The following SGCD variants were observed in gnomAD, a reference collection of about 807,000 sequenced individuals.
The protein encoded by SGCD is sarcoglycan delta.
In SGCD, 18 loss-of-function variants were observed where a neutral mutation model predicts 36.6. That is an observed-to-expected ratio of 0.49 (90% confidence interval 0.34 to 0.73). The LOEUF (loss-of-function observed/expected upper bound fraction) is 0.73. Ranked by LOEUF, SGCD falls within the 30% of genes least tolerant of loss-of-function variation. SGCD has a pLI of 0.01. For synonymous variants in SGCD, 133 were observed against 130.6 expected, an observed-to-expected ratio of 1.02 and a Z score of -0.12; for missense variants, 387 against 346.7, an observed-to-expected ratio of 1.12 and a Z score of -0.92.
chr5:156,529,423 C>CAAAAAAAAAAAAAAAAAAAAAA, intron 4 of SGCD, among the ~76,000 whole-genome samples: 1 of 59,146 alleles, frequency 1.7e-5, no homozygotes, highest in Non-Finnish European at 3.3e-5. Context: ...GACTCTGTCT[C>CAAAAAAAAAAAAAAAAAAAAAA]AAAAAAAAAA....
Position 156,251,828 on chromosome 5 carries a change from A to G in SGCD, c.-43-77706A>G, listed in dbSNP as rs547579789. ...TGTGCCCGGCCTATACTACGTTTTA[A>G]AACTCGAAACTGTCTTGGAGATACA... On this transcript the variant is annotated intron_variant, in intron 3 of 9. Coordinates refer to the SGCD transcript ENST00000517913. 1.2e-4 allele frequency among the ~76,000 whole-genome samples: 18 copies of G among 151,620 alleles called. 1 individual carries two copies. The South Asian group carries it at 2.9e-3, about 25-fold the overall frequency.
chr5:155,849,197 G>A, the SGCD span, among the ~76,000 whole-genome samples: 9 of 152,140 alleles, frequency 5.9e-5, no homozygotes, highest in Non-Finnish European at 1.2e-4. Flanking sequence ...CAGTGTGAAA[G>A]CTCCTTCTGG....
chr5:156,355,320 C>T (rs1440492896), intron 3 of SGCD, among the ~76,000 whole-genome samples: 1 of 152,012 alleles, frequency 6.6e-6, no homozygotes, highest in Non-Finnish European at 1.5e-5. Flanking sequence ...CAAACCAAAA[C>T]CATTTTAATA....
chr5:156,085,283 T>C (rs987047033), intron 1 of SGCD, among the ~76,000 whole-genome samples: 1 of 152,160 alleles, frequency 6.6e-6, no homozygotes, highest in Non-Finnish European at 1.5e-5. Context: ...TAACCCCCAG[T>C]GCTGGAGGTG....
At chr5:156,431,327 G>A (rs896913677) in intron 3 of SGCD, among the ~76,000 whole-genome samples, 2 of 152,048 alleles carry the variant, frequency 1.3e-5, no homozygotes, top group African/African-American at 4.8e-5. Context: ...TGATTATCTC[G>A]ATTATCTCCT....
intron 4 of SGCD, among the ~76,000 whole-genome samples, chr5:156,570,868 GGGTGTCTTTTGCCATATCTTT>G (rs1274870074): frequency 2.0e-5 from 3 of 151,978 alleles, no homozygotes; most frequent in Non-Finnish European, 4.4e-5. Context: ...ACTTTGCCTA[GGGTGTCTTTTGCCATATCTTT>G]ATTTCTAGCC....
chr5:156,345,933 C>G (rs1386416020), intron 3 of SGCD, among the ~76,000 whole-genome samples: 1 of 151,870 alleles, frequency 6.6e-6, no homozygotes, highest in African/African-American at 2.4e-5. Context: ...CTCTGTCTTC[C>G]CTGTCTGGTA....
At chr5:156,019,990 A>G (rs1759064817) in intron 1 of SGCD, among the ~76,000 whole-genome samples, 1 of 152,184 alleles carries the variant, frequency 6.6e-6, no homozygotes, top group African/African-American at 2.4e-5. Context: ...CACCCTGGGC[A>G]TGTCCACACG....
At chr5:156,338,166 T>TTTG (rs1554094338) in intron 2 of SGCD, among the ~76,000 whole-genome samples, 1 of 151,648 alleles carries the variant, frequency 6.6e-6, no homozygotes, top group African/African-American at 2.4e-5. Flanking sequence ...TCACTGGGTT[T>TTTG]TTTGTTTGTT....
intron 4 of SGCD, among the ~76,000 whole-genome samples, chr5:156,545,917 CA>C (rs1426904009): frequency 1.3e-5 from 2 of 152,164 alleles, no homozygotes; most frequent in Non-Finnish European, 2.9e-5. Flanking sequence ...GCTTTAGCTC[CA>C]AGTTTTATGA....
At chr5:156,188,756 C>A (rs1763823460) in intron 3 of SGCD, among the ~76,000 whole-genome samples, 1 of 151,686 alleles carries the variant, frequency 6.6e-6, no homozygotes, top group Admixed American at 6.6e-5. Flanking sequence ...CCAGACCCAC[C>A]AAAGAAAACA....
At chr5:155,851,463 G>A in the SGCD span, among the ~76,000 whole-genome samples, 1 of 152,120 alleles carries the variant, frequency 6.6e-6, no homozygotes, top group Non-Finnish European at 1.5e-5. Flanking sequence ...CGTCAGAGGA[G>A]CCATCAGTGC....
At chr5:156,375,734 T>G (rs1770629314) in intron 3 of SGCD, among the ~76,000 whole-genome samples, 1 of 152,218 alleles carries the variant, frequency 6.6e-6, no homozygotes. Context: ...TGAACGTTTA[T>G]GTATTTATGC....
At chr5:156,199,629 C>A (rs1039673779) in intron 3 of SGCD, among the ~76,000 whole-genome samples, 3 of 152,018 alleles carry the variant, frequency 2.0e-5, no homozygotes, top group Admixed American at 2.0e-4. Context: ...CAAACTACTT[C>A]TTCTTGCCTT....
intron 4 of SGCD, among the ~76,000 whole-genome samples, chr5:156,564,343 G>A (rs969462065): frequency 3.9e-4 from 60 of 152,166 alleles, no homozygotes; most frequent in African/African-American, 1.3e-3. Flanking sequence ...TCAGCTACTC[G>A]GGAGGCTGAG....
At chr5:156,046,728 T>C (rs143981204) in intron 1 of SGCD, among the ~76,000 whole-genome samples, 6 of 152,180 alleles carry the variant, frequency 3.9e-5, no homozygotes, top group African/African-American at 1.2e-4. Flanking sequence ...TCTTGGACCT[T>C]CCTGTTCCCT....
chr5:155,737,378 T>A, the SGCD span, among the ~76,000 whole-genome samples: 2 of 152,210 alleles, frequency 1.3e-5, no homozygotes, highest in Non-Finnish European at 2.9e-5. Flanking sequence ...CTTGCACATT[T>A]ACATGTGGAG....
the SGCD span, among the ~76,000 whole-genome samples, chr5:155,830,965 A>G: frequency 1.3e-5 from 2 of 152,192 alleles, no homozygotes; most frequent in Non-Finnish European, 2.9e-5. Context: ...TTTCAAGCTT[A>G]AATTCATTAA....
intron 3 of SGCD, among the ~76,000 whole-genome samples, chr5:156,459,784 G>T (rs1754407020): frequency 6.6e-6 from 1 of 152,182 alleles, no homozygotes; most frequent in Non-Finnish European, 1.5e-5. Flanking sequence ...CATAGGTTCA[G>T]CTGGACAGCA....
Sources: allele counts gnomAD v4.1 joint callset (sites outside exome capture counted in the v4.1 genomes callset), GRCh38; gene constraint gnomAD v4.1.1; transcripts MANE v1.5; gene names NCBI Gene and HGNC (gene_info 2026-07-23, HGNC 2026-07-21).